Variants in VSIG10L2 observed in about 807,000 individuals in gnomAD.
The protein encoded by VSIG10L2 is V-set and immunoglobulin domain-containing protein 10-like 2.
A neutral mutation model predicts 67.1 loss-of-function variants in VSIG10L2; 56 were observed. That is an observed-to-expected ratio of 0.83 (90% CI 0.67 to 1.04). VSIG10L2 has a LOEUF of 1.04. VSIG10L2 is among the 50% of genes least tolerant of loss of function. The probability of loss-of-function intolerance (pLI) is 0.00; values close to 1 mark genes in which losing one functional copy is unlikely to be tolerated. For synonymous variants in VSIG10L2, 360 were observed against 396.6 expected, an observed-to-expected ratio of 0.91 and a Z score of 1.10; for missense variants, 843 against 932.8, an observed-to-expected ratio of 0.90 and a Z score of 1.25.
At position 125,956,274 on chromosome 11, in the gene VSIG10L2, TG is replaced by T; in HGVS notation, c.*362del. 1 of 561,408 alleles carries T rather than the reference TG, an allele frequency of 1.8e-6. No individual in the cohort carries two copies. Among genetic ancestry groups the T allele is most frequent in the Non-Finnish European group, 3.1e-6 (1 of 318,094 alleles). The allele number at this position is 561,408 out of a possible 1,614,324, so 34.8% of individuals were successfully genotyped here. A position where few individuals can be genotyped will look rare whatever the true frequency, so the allele number is the denominator to read the frequency against. Reference sequence around the variant, plus strand: ...TAGCTGCTTCCAGAAAAAAAGTCTGTGGATGGAGCAATTCCTAAATAAATCA... The same window carrying T: ...TAGCTGCTTCCAGAAAAAAAGTCTGTGATGGAGCAATTCCTAAATAAATCA... On this transcript the variant is annotated 3_prime_UTR_variant, in exon 12 of 12. Transcript: ENST00000686984.
chr11:125,948,367 G>GT lies in VSIG10L2; in HGVS notation c.497dup (p.Ala167GlyfsTer33). On this transcript the variant is annotated frameshift_variant, in exon 3 of 12. Transcript: ENST00000686984. LOFTEE classifies it high-confidence loss of function. Reference sequence around the variant, plus strand: ...GTCCCCTGTGGAGGGAGCCTCCGTGGTGGCCACGTGTGCAGTGCGGGAGGG... The same window carrying GT: ...GTCCCCTGTGGAGGGAGCCTCCGTGGTTGGCCACGTGTGCAGTGCGGGAGGG... The GT allele has an allele frequency of 8.1e-7, 1 of 1,232,368 alleles. No individual in the cohort carries two copies. The highest frequency in any genetic ancestry group is 3.1e-4 in the Middle Eastern group (1 of 3,208). 76.3% of individuals were successfully genotyped at this position (1,232,368 alleles called of 1,614,324 possible).
In VSIG10L2 at chr11:125,948,367, G is replaced by A; in HGVS notation, c.496G>A (p.Val166Met). 8.1e-7 allele frequency: 1 copy of A among 1,232,368 alleles called. No homozygotes were observed. Among genetic ancestry groups the A allele is most frequent in the East Asian group, 3.2e-5 (1 of 31,704 alleles). The allele number at this position is 1,232,368 out of a possible 1,614,324, so 76.3% of individuals were successfully genotyped here. A position where few individuals can be genotyped will look rare whatever the true frequency, so the allele number is the denominator to read the frequency against. ...GTCCCCTGTGGAGGGAGCCTCCGTG[G>A]TGGCCACGTGTGCAGTGCGGGAGGG... Reference protein sequence around the residue: ...NPSPVEGASVVATCAVREGTE... With the variant: ...NPSPVEGASVMATCAVREGTE... Residue 166 changes from valine to methionine, a missense_variant, in exon 3 of 12, where the codon GTG becomes ATG. Transcript: ENST00000686984.
rs961146485 is a variant in VSIG10L2, at chr11:125,953,472, C to G, written c.1568C>G (p.Ser523Cys). Residue 523 changes from serine to cysteine, a missense_variant, in exon 7 of 12, where the codon TCT (serine) becomes TGT (cysteine). By Grantham distance (112) the Ser-to-Cys change is moderately radical. Around this residue, in one of 2 missense-constraint regions of VSIG10L2, gnomAD observed 397 missense variants for 384.4 expected, o/e 1.03. Transcript: ENST00000686984. ...LEGGEAWLEC[S>C]LRGGTPPAQL... The stretch of plus-strand genomic sequence containing the variant: ...GGGGGAGAGGCCTGGCTGGAGTGCT[C>G]TCTCCGCGGGGGCACACCACCTGCC... 1.9e-5 allele frequency: 24 copies of G among 1,232,248 alleles called. No individual in the cohort carries two copies. Among genetic ancestry groups the G allele is most frequent in the Non-Finnish European group, 2.3e-5 (23 of 988,164 alleles). 76.3% of individuals were successfully genotyped at this position (1,232,248 alleles called of 1,614,324 possible).
chr11:125,954,451 T>G, intron 8 of VSIG10L2, 68 bp downstream of exon 8: 3 of 1,190,404 alleles, frequency 2.5e-6, no homozygotes, highest in South Asian at 4.3e-5. Context: ...CATCTTCCTC[T>G]TCACAGGGCA....
intron 1 of VSIG10L2, chr11:125,947,471 AC>A (rs1420997400): frequency 1.0e-6 from 1 of 985,130 alleles, no homozygotes; most frequent in Non-Finnish European, 1.2e-6. Context: ...ACTTCAGTCA[AC>A]CCCTCCTTCA....
intron 7 of VSIG10L2, 23 bp downstream of exon 7, chr11:125,953,713 G>A: frequency 2.4e-6 from 3 of 1,232,234 alleles, no homozygotes; most frequent in Non-Finnish European, 3.0e-6. Flanking sequence ...TTGAATGCGT[G>A]TGTGTGGTGA....
chr11:125,948,281 C>T (rs895082530), intron 2 of VSIG10L2, 24 bp from the exon 3 acceptor site: 197 of 1,232,226 alleles, frequency 1.6e-4, no homozygotes, highest in Middle Eastern at 3.1e-4. Context: ...AATAACACAG[C>T]GGGCCTCTCC....
At position 125,953,659 on chromosome 11, in the gene VSIG10L2, T is replaced by G; in HGVS notation, c.1755T>G (p.Asn585Lys). The change falls in exon 7 of 12, where the codon AAT becomes AAG. Residue 585 changes from asparagine to lysine, a missense_variant. Physicochemically the swap from Asn to Lys is moderately conservative, Grantham distance 94. This residue lies in a region of VSIG10L2 where 397 missense variants were observed against 384.4 expected (regional missense o/e 1.03). Transcript: ENST00000686984. ...YQCVARNAVG[N>K]SSQSVLLEVL... ...GCGTGGCCCGCAACGCCGTGGGCAA[T>G]AGCAGTCAGAGTGTGCTGCTGGAGG... is the stretch of plus-strand genomic sequence containing the variant. 1 of 1,232,240 alleles carries G rather than the reference T, an allele frequency of 8.1e-7. No individual in the cohort carries two copies. The highest frequency in any genetic ancestry group is 1.5e-5 in the African/African-American group (1 of 64,542). The allele number at this position is 1,232,240 out of a possible 1,614,324, so 76.3% of individuals were successfully genotyped here.
intron 7 of VSIG10L2, among the ~76,000 whole-genome samples, 164 bp downstream of exon 7, chr11:125,953,854 C>T (rs1340475527): frequency 2.0e-5 from 3 of 152,210 alleles, no homozygotes; most frequent in Non-Finnish European, 4.4e-5. Flanking sequence ...GGGCAACATG[C>T]GCGTGAATCT....
At chr11:125,951,290 A>G in intron 5 of VSIG10L2, 132 bp downstream of exon 5, 1 of 859,988 alleles carries the variant, frequency 1.2e-6, no homozygotes. Flanking sequence ...CCATGTAACA[A>G]GGAGGTGGGC....
chr11:125,952,037 C>T lies in VSIG10L2; in HGVS notation c.1459C>T (p.Leu487Phe). 6.5e-7 allele frequency: 1 copy of T among 1,535,684 alleles called. No homozygotes were observed. Among genetic ancestry groups the T allele is most frequent in the African/African-American group, 1.4e-5 (1 of 73,166 alleles). The change falls in exon 6 of 12, where the codon CTC (leucine) becomes TTC (phenylalanine). Residue 487 changes from leucine to phenylalanine, a missense_variant. By Grantham distance (22) the Leu-to-Phe change is conservative (BLOSUM62 0). Coordinates refer to ENST00000686984, the MANE Select transcript of VSIG10L2 (RefSeq NM_001365077.2). ...REFTCRGTHL[L>F]RTPDPHCHLQ... ...GTTCACCTGCCGGGGCACTCACCTG[C>T]TCAGGACCCCTGACCCCCACTGCCA... is the stretch of plus-strand genomic sequence containing the variant.
At position 125,953,430 on chromosome 11, in the gene VSIG10L2, G is replaced by A. The variant is rs371684599; in HGVS notation, c.1526G>A (p.Arg509His). Residue 509 changes from arginine (R) to histidine (H), a missense_variant, in exon 7 of 12, where the codon CGC (arginine) becomes CAC (histidine). This residue lies in a region of VSIG10L2 where 397 missense variants were observed against 384.4 expected (regional missense o/e 1.03). Coordinates refer to ENST00000686984, the MANE Select transcript of VSIG10L2 (RefSeq NM_001365077.2). The stretch of plus-strand genomic sequence containing the variant: ...CCACAGCTGGACGTGGCTGAGCCCC[G>A]CGTGTCAGTGTTGGAGGGGGGAGAG... ...EAPQLDVAEPRVSVLEGGEAW... is the reference protein window; with the variant it reads ...EAPQLDVAEPHVSVLEGGEAW... The A allele has an allele frequency of 2.5e-4, 306 of 1,232,364 alleles. 2 individuals carry two copies. The East Asian group carries it at 8.4e-3, about 34-fold the overall frequency. The allele number at this position is 1,232,364 out of a possible 1,614,324, so 76.3% of individuals were successfully genotyped here. A position where few individuals can be genotyped will look rare whatever the true frequency, so the allele number is the denominator to read the frequency against.
Position 125,951,011 on chromosome 11 carries a change from T to C in VSIG10L2, c.1087T>C (p.Trp363Arg). 1 of 1,232,344 alleles carries C rather than the reference T, an allele frequency of 8.1e-7. No individual in the cohort carries two copies. Among genetic ancestry groups the C allele is most frequent in the Non-Finnish European group, 1.0e-6 (1 of 988,162 alleles). 76.3% of individuals were successfully genotyped at this position (1,232,344 alleles called of 1,614,324 possible). A position where few individuals can be genotyped will look rare whatever the true frequency, so the allele number is the denominator to read the frequency against. ...GGGGCTTCCGCCTGCCCAACTGCAG[T>C]GGGAAGGGCCTCAGGGACCTGGCCC... Reference protein sequence around the residue: ...PGGLPPAQLQWEGPQGPGPTA... With the variant: ...PGGLPPAQLQREGPQGPGPTA... Residue 363 changes from tryptophan to arginine, a missense_variant, in exon 5 of 12, where the codon TGG (tryptophan) becomes CGG (arginine). By Grantham distance (101) the Trp-to-Arg change is moderately radical (BLOSUM62 -3). This residue lies in a region of VSIG10L2 where 446 missense variants were observed against 548.4 expected (regional missense o/e 0.81). Coordinates refer to ENST00000686984, the MANE Select transcript of VSIG10L2 (RefSeq NM_001365077.2).
chr11:125,955,997 A>C lies in VSIG10L2; in HGVS notation c.*83A>C, dbSNP rs944192498. 1.4e-5 allele frequency: 9 copies of C among 646,640 alleles called. No individual in the cohort carries two copies. The African/African-American group carries it at 1.6e-4, about 12-fold the overall frequency. The allele number at this position is 646,640 out of a possible 1,614,324, so 40.1% of individuals were successfully genotyped here. On this transcript the variant is annotated 3_prime_UTR_variant, in exon 12 of 12. Transcript: ENST00000686984. ...CCCTTCTGTCAGACTTTGGTCATAA[A>C]ACCAACGTAGCTAAGACACCAACTA...
chr11:125,953,308 C>T (rs900670085), intron 6 of VSIG10L2, 92 bp from the exon 7 acceptor site: 143 of 1,096,076 alleles, frequency 1.3e-4, no homozygotes, highest in Admixed American at 3.4e-4. Context: ...GCAGCTCTCC[C>T]GCTCCATCTC....
rs575310150 is a variant in VSIG10L2 at position 125,953,582 on chromosome 11, C to T, written c.1678C>T (p.Arg560Cys). ...FMLHPEGAQL[R>C]LGIYDADPAH... Reference sequence around the variant, plus strand: ...GCTGCACCCTGAGGGTGCCCAGCTGCGCCTGGGCATCTACGATGCTGACCC... The same window carrying T: ...GCTGCACCCTGAGGGTGCCCAGCTGTGCCTGGGCATCTACGATGCTGACCC... Residue 560 changes from arginine (R) to cysteine (C), a missense_variant, in exon 7 of 12, where the codon CGC becomes TGC. Physicochemically the swap from Arg to Cys is radical, Grantham distance 180. Around this residue, in one of 2 missense-constraint regions of VSIG10L2, gnomAD observed 397 missense variants for 384.4 expected, o/e 1.03. Coordinates refer to ENST00000686984, the MANE Select transcript of VSIG10L2 (RefSeq NM_001365077.2). 2.2e-3 allele frequency: 2,708 copies of T among 1,232,204 alleles called. 4 individuals are homozygous for T. Among genetic ancestry groups the T allele is most frequent in the Non-Finnish European group, 2.6e-3 (2,553 of 987,998 alleles). The allele number at this position is 1,232,204 out of a possible 1,614,324, so 76.3% of individuals were successfully genotyped here. A position where few individuals can be genotyped will look rare whatever the true frequency, so the allele number is the denominator to read the frequency against.
Position 125,955,516 on chromosome 11 carries a change from G to A in VSIG10L2, c.2231+10G>A. On this transcript the variant is annotated intron_variant, in intron 10 of 11. Coordinates refer to ENST00000686984, the MANE Select transcript of VSIG10L2 (RefSeq NM_001365077.2). ...AATTGCTTGTTCCCACGTGAGTGTG[G>A]AACCCCAGTCATCCTGGGGGCCAGG... The A allele has an allele frequency of 9.4e-7, 1 of 1,062,636 alleles. No homozygotes were observed. The highest frequency in any genetic ancestry group is 1.4e-6 in the Non-Finnish European group (1 of 731,392). The allele number at this position is 1,062,636 out of a possible 1,614,324, so 65.8% of individuals were successfully genotyped here. A position where few individuals can be genotyped will look rare whatever the true frequency, so the allele number is the denominator to read the frequency against.
intron 5 of VSIG10L2, 138 bp downstream of exon 5, chr11:125,951,296 T>TG (rs767192105): frequency 1.2e-4 from 92 of 778,990 alleles, no homozygotes; most frequent in Non-Finnish European, 1.5e-4. Context: ...AACAAGGAGG[T>TG]GGGCGGCACT....
chr11:125,956,261 GA>G lies in VSIG10L2; in HGVS notation c.*354del, dbSNP rs753977079. The G allele has an allele frequency of 1.1e-5, 6 of 532,184 alleles. No individual in the cohort carries two copies. Among genetic ancestry groups the G allele is most frequent in the African/African-American group, 5.7e-5 (3 of 52,264 alleles). 33.0% of individuals were successfully genotyped at this position (532,184 alleles called of 1,614,324 possible). ...AGTATGAGCAAGCTAGCTGCTTCCA[GA>G]AAAAAAGTCTGTGGATGGAGCAATT... On this transcript the variant is annotated 3_prime_UTR_variant, in exon 12 of 12. Coordinates refer to ENST00000686984, the MANE Select transcript of VSIG10L2 (RefSeq NM_001365077.2).
Sources: gnomAD v4.1 joint callset for allele counts (sites outside exome capture counted in the v4.1 genomes callset) on GRCh38, gnomAD v4.1.1 for gene constraint, gnomAD v4.1.1 regional missense constraint, MANE v1.5 for transcripts, NCBI Gene and HGNC (gene_info 2026-07-23, HGNC 2026-07-21) for gene names.